PCDHGA6: variants seen among roughly 807,000 people sequenced by gnomAD.
PCDHGA6 encodes the protein protocadherin gamma-A6.
Under a neutral mutation model 60.6 loss-of-function variants are expected in PCDHGA6, and 41 were observed. The ratio of observed to expected loss-of-function variants is 0.68; its 90% CI spans 0.53 to 0.88. The LOEUF is 0.88. Among genes scored for constraint, PCDHGA6 ranks in the 40% least tolerant of loss-of-function variants. PCDHGA6 has a pLI of 0.00. For synonymous variants in PCDHGA6, 594 were observed against 524.4 expected, an observed-to-expected ratio of 1.13 and a Z score of -1.81; for missense variants, 1,312 against 1,203.0, an observed-to-expected ratio of 1.09 and a Z score of -1.34.
In PCDHGA6 at chr5:141,438,591, C is replaced by T. The variant is rs12717894; in HGVS notation, c.2425-56216C>T. 3.5e-3 allele frequency among the ~76,000 whole-genome samples: 262 copies of T among 75,376 alleles called. 1 individual carries two copies. The highest frequency in any genetic ancestry group is 4.5e-3 in the Non-Finnish European group (168 of 37,204). 49.4% of individuals were successfully genotyped at this position (75,376 alleles called of 152,430 possible). ...TCTGATATACATACATACATACATA[C>T]ATATATATATATATATATATATATA... On this transcript the variant is annotated intron_variant, in intron 1 of 3. Transcript: ENST00000517434.
At chr5:141,422,576 C>T in intron 1 of PCDHGA6, 1 of 1,614,034 alleles carries the variant, frequency 6.2e-7, no homozygotes, top group South Asian at 1.1e-5. Context: ...AACGATAACC[C>T]TCCCGTTTTT....
chr5:141,414,236 C>T, intron 1 of PCDHGA6: 1 of 1,613,456 alleles, frequency 6.2e-7, no homozygotes. Flanking sequence ...CTGACCATCA[C>T]GTCTCTATTT....
At chr5:141,454,625 C>T (rs1193628253) in intron 1 of PCDHGA6, among the ~76,000 whole-genome samples, 2 of 151,512 alleles carry the variant, frequency 1.3e-5, no homozygotes, top group East Asian at 1.9e-4. Flanking sequence ...AGGCTGGTCT[C>T]GAACCCCCAA....
At position 141,432,942 on chromosome 5, in the gene PCDHGA6, C is replaced by G. The variant is rs1346694514; in HGVS notation, c.2424+56435C>G. ...CACAAGTCACGCCTGCTGCAGGCTT[C>G]AGGAGGCGGCTTGACAGGAGCGCCG... On this transcript the variant is annotated intron_variant, in intron 1 of 3. Coordinates refer to ENST00000517434, the MANE Select transcript of PCDHGA6 (RefSeq NM_018919.3). The surrounding 1 kb of genome is among the most constrained non-coding windows in gnomAD (Gnocchi z 6.0). The G allele has an allele frequency of 1.2e-6, 2 of 1,614,190 alleles. No individual in the cohort carries two copies. Among genetic ancestry groups the G allele is most frequent in the Non-Finnish European group, 1.7e-6 (2 of 1,180,036 alleles).
intron 1 of PCDHGA6, chr5:141,394,899 G>A: frequency 6.2e-7 from 1 of 1,613,804 alleles, no homozygotes; most frequent in Admixed American, 1.7e-5. Context: ...TCTCGTGGTG[G>A]CAGTGGCTGC....
At position 141,414,543 on chromosome 5, in the gene PCDHGA6, C is replaced by T. The variant is rs369387885; in HGVS notation, c.2424+38036C>T. The T allele has an allele frequency of 5.0e-6, 8 of 1,613,880 alleles. No individual in the cohort carries two copies. The African/African-American group carries it at 1.1e-4, about 22-fold the overall frequency. ...ATATCAATGACAACCCACCTACCTT[C>T]TCTCAAGTCTCCTACTTTACCTATA... On this transcript the variant is annotated intron_variant, in intron 1 of 3. Transcript: ENST00000517434.
intron 1 of PCDHGA6, among the ~76,000 whole-genome samples, chr5:141,445,738 T>G (rs553879167): frequency 9.9e-5 from 15 of 152,122 alleles, no homozygotes; most frequent in Non-Finnish European, 1.9e-4. Context: ...AAAGATCTTT[T>G]TAAAAAATAA....
At chr5:141,496,838 T>C (rs182118142) in intron 2 of PCDHGA6, among the ~76,000 whole-genome samples, 39 of 150,790 alleles carry the variant, frequency 2.6e-4, no homozygotes, top group African/African-American at 8.3e-4. Flanking sequence ...CCAGAACTCA[T>C]AGGCTTCCAG....
intron 1 of PCDHGA6, among the ~76,000 whole-genome samples, chr5:141,438,833 T>C (rs989612425): frequency 6.6e-6 from 1 of 150,476 alleles, no homozygotes; most frequent in Non-Finnish European, 1.5e-5. Context: ...AGCTAATTTT[T>C]TAAAATATTT....
At chr5:141,383,767 A>G (rs1779455066) in intron 1 of PCDHGA6, 2 of 1,613,886 alleles carry the variant, frequency 1.2e-6, no homozygotes, top group South Asian at 2.2e-5. Flanking sequence ...TAAACTTCCA[A>G]AGATGTTTCA....
intron 1 of PCDHGA6, chr5:141,400,091 C>A: frequency 6.2e-7 from 1 of 1,614,072 alleles, no homozygotes; most frequent in Non-Finnish European, 8.5e-7. Context: ...GCCACCGCCA[C>A]GCTGCACTTG....
Position 141,398,701 on chromosome 5 carries a change from C to T in PCDHGA6, c.2424+22194C>T, listed in dbSNP as rs757215015. On this transcript the variant is annotated intron_variant, in intron 1 of 3. Transcript: ENST00000517434. Reference sequence around the variant, plus strand: ...GGAGAAACAGGATGGTAGTAAATACCCGGAACTGGCACTGGAGAAAACCTT... The same window carrying T: ...GGAGAAACAGGATGGTAGTAAATACTCGGAACTGGCACTGGAGAAAACCTT... The T allele has an allele frequency of 1.2e-5, 20 of 1,613,658 alleles. No homozygotes were observed. In the Admixed American group the frequency reaches 3.3e-4, roughly 27 times the overall value.
chr5:141,478,415 C>G (rs182700706), intron 1 of PCDHGA6: 5 of 1,613,648 alleles, frequency 3.1e-6, no homozygotes, highest in Non-Finnish European at 4.2e-6. Context: ...CACGGACTCC[C>G]GCCGCAGCGA....
At chr5:141,499,451 T>A (rs1378621877) in intron 2 of PCDHGA6, among the ~76,000 whole-genome samples, 3 of 152,130 alleles carry the variant, frequency 2.0e-5, no homozygotes, top group Non-Finnish European at 4.4e-5. Flanking sequence ...AAACCACCCA[T>A]CATTTTACAA....
At chr5:141,383,042 T>A (rs1397489820) in intron 1 of PCDHGA6, 10 of 1,613,724 alleles carry the variant, frequency 6.2e-6, no homozygotes, top group Non-Finnish European at 7.6e-6. Flanking sequence ...GTGGGAGACA[T>A]CGCCAAGGAC....
At chr5:141,474,607 A>C (rs1334447439) in intron 1 of PCDHGA6, among the ~76,000 whole-genome samples, 1 of 152,238 alleles carries the variant, frequency 6.6e-6, no homozygotes, top group Non-Finnish European at 1.5e-5. Context: ...TAGGTCACAT[A>C]TGGCTTTTCA....
intron 1 of PCDHGA6, among the ~76,000 whole-genome samples, chr5:141,462,269 T>C (rs2099036247): frequency 6.6e-6 from 1 of 152,230 alleles, no homozygotes; most frequent in Admixed American, 6.5e-5. Context: ...CTAAAGTGTA[T>C]TGTTTAGTCA....
In PCDHGA6 at chr5:141,489,950, A is replaced by G; in HGVS notation, c.2425-4857A>G. 2 of 1,614,192 alleles carry G rather than the reference A, an allele frequency of 1.2e-6. No individual in the cohort carries two copies. The highest frequency in any genetic ancestry group is 1.1e-5 in the South Asian group (1 of 91,088). ...TCTGTCATCGTGCTGGACATCAATG[A>G]TAATGCTCCAACCTTCCAATCCTCA... On this transcript the variant is annotated intron_variant, in intron 1 of 3. Transcript: ENST00000517434. The surrounding 1 kb of genome is among the most constrained non-coding windows in gnomAD (Gnocchi z 4.5).
At chr5:141,509,631 C>A (rs1250891268) in intron 3 of PCDHGA6, among the ~76,000 whole-genome samples, 1 of 152,200 alleles carries the variant, frequency 6.6e-6, no homozygotes, top group East Asian at 1.9e-4. Flanking sequence ...CTGGGTGATG[C>A]TGAGCCAGGG....
Sources: allele counts gnomAD v4.1 joint callset (sites outside exome capture counted in the v4.1 genomes callset), GRCh38; gene constraint gnomAD v4.1.1; non-coding constraint Gnocchi (gnomAD v3.1); transcripts MANE v1.5; gene names NCBI Gene and HGNC (gene_info 2026-07-23, HGNC 2026-07-21).